The following NET1 variants were observed in gnomAD, a reference collection of about 807,000 sequenced individuals.
NET1 encodes neuroepithelial cell-transforming gene 1 protein.
A neutral mutation model predicts 61.1 loss-of-function variants in NET1; 42 were observed. The ratio of observed to expected loss-of-function variants is 0.69; its 90% CI spans 0.54 to 0.89. The LOEUF (loss-of-function observed/expected upper bound fraction) is 0.89, where lower values mean the gene tolerates loss of function less well. Among genes scored for constraint, NET1 ranks in the 40% least tolerant of loss-of-function variants. The pLI is 0.00. For synonymous variants in NET1, 254 were observed against 281.8 expected (o/e 0.90, Z 0.99); for missense variants, 654 against 747.3 (o/e 0.88, Z 1.46).
At position 5,456,408 on chromosome 10, in the gene NET1, C is replaced by A; in HGVS notation, c.1384+135C>A. 3.8e-6 allele frequency: 4 copies of A among 1,062,092 alleles called. No individual in the cohort carries two copies. Among genetic ancestry groups the A allele is most frequent in the Non-Finnish European group, 2.6e-6 (2 of 754,980 alleles). The allele number at this position is 1,062,092 out of a possible 1,614,324, so 65.8% of individuals were successfully genotyped here. A position where few individuals can be genotyped will look rare whatever the true frequency, so the allele number is the denominator to read the frequency against. Reference sequence around the variant, plus strand: ...TGTTACATCCATTGAGTTGTCCAGGCCTTCCCAGCTCGAACACCCGCAGGT... The same window carrying A: ...TGTTACATCCATTGAGTTGTCCAGGACTTCCCAGCTCGAACACCCGCAGGT... On this transcript the variant is annotated intron_variant, in intron 11 of 11. Transcript: ENST00000355029. This position sits in a 1 kb window ranked among gnomAD's most constrained non-coding sequence, Gnocchi z 7.0.
rs1439584163 is a variant in NET1, at chr10:5,426,664, T to G, written c.138T>G (p.Leu46=). The G allele has an allele frequency of 6.2e-7, 1 of 1,607,208 alleles. No individual in the cohort carries two copies. The highest frequency in any genetic ancestry group is 8.5e-7 in the Non-Finnish European group (1 of 1,176,844). The change falls in exon 2 of 12, where the codon CTT becomes CTG. Residue 46 remains leucine (L), a synonymous_variant. Transcript: ENST00000355029. The surrounding 1 kb of genome is among the most constrained non-coding windows in gnomAD (Gnocchi z 4.6). ...AATTTTCCATTAATAGATGTTCCCT[T>G]CGGAGAGGCAGCTCCTTCACATTCT... ...SGSELDGRCS[L]RRGSSFTFLT...
At chr10:5,413,745 A>G (rs1317589099) in intron 1 of NET1, among the ~76,000 whole-genome samples, 1 of 152,214 alleles carries the variant, frequency 6.6e-6, no homozygotes, top group East Asian at 1.9e-4. Context: ...TGGTTACAAT[A>G]TCGAACTTAG....
intron 3 of NET1, among the ~76,000 whole-genome samples, chr10:5,445,442 C>G (rs1239658699): frequency 6.6e-6 from 1 of 152,164 alleles, no homozygotes; most frequent in African/African-American, 2.4e-5. Context: ...ACACAATGGT[C>G]TCTTTAGCAG....
Position 5,446,954 on chromosome 10 carries a change from A to T in NET1, c.256-4876A>T. On this transcript the variant is annotated intron_variant, in intron 3 of 11. Coordinates refer to ENST00000355029, the MANE Select transcript of NET1 (RefSeq NM_001047160.3). This position sits in a 1 kb window ranked among gnomAD's most constrained non-coding sequence, Gnocchi z 5.0. ...CAAGGTATTAACAGTATAATTTTAAACTTTTGATCTTATTATTACAATGTA... is the reference window on the plus strand; with the variant it reads ...CAAGGTATTAACAGTATAATTTTAATCTTTTGATCTTATTATTACAATGTA... 1.1e-6 allele frequency: 1 copy of T among 917,198 alleles called. No homozygotes were observed. The highest frequency in any genetic ancestry group is 2.4e-5 in the South Asian group (1 of 41,432). The allele number at this position is 917,198 out of a possible 1,614,324, so 56.8% of individuals were successfully genotyped here. A position where few individuals can be genotyped will look rare whatever the true frequency, so the allele number is the denominator to read the frequency against.
Position 5,417,178 on chromosome 10 carries a change from G to A in NET1, c.128+4358G>A, listed in dbSNP as rs557649801. On this transcript the variant is annotated intron_variant, in intron 1 of 11. Transcript: ENST00000355029. This position sits in a 1 kb window ranked among gnomAD's most constrained non-coding sequence, Gnocchi z 5.5. ...CTGCCAGCTGGCCTGCCAGCGTGCT[G>A]GTGTACTCCCACGTCGATGTGTTCC... Among the ~76,000 whole-genome samples the A allele has an allele frequency of 2.6e-4, 38 of 147,442 alleles. No individual in the cohort carries two copies. In the South Asian group the frequency reaches 8.2e-3, roughly 32 times the overall value.
chr10:5,442,589 A>G (rs575525597), intron 3 of NET1, among the ~76,000 whole-genome samples: 38 of 152,210 alleles, frequency 2.5e-4, no homozygotes, highest in Non-Finnish European at 4.3e-4. Context: ...CCGTTTGTAG[A>G]AAGTTATACA....
At chr10:5,432,558 G>C (rs557094705) in intron 3 of NET1, among the ~76,000 whole-genome samples, 32 of 149,932 alleles carry the variant, frequency 2.1e-4, no homozygotes, top group African/African-American at 7.2e-4. Context: ...CAGCTCATTT[G>C]GTTTTTAAAA....
In NET1 at chr10:5,449,866, T is replaced by C. The variant is rs1249115529; in HGVS notation, c.256-1964T>C. 6.6e-6 allele frequency among the ~76,000 whole-genome samples: 1 copy of C among 152,230 alleles called. No homozygotes were observed. The highest frequency in any genetic ancestry group is 1.5e-5 in the Non-Finnish European group (1 of 68,034). On this transcript the variant is annotated intron_variant, in intron 3 of 11. Transcript: ENST00000355029. The surrounding 1 kb of genome is among the most constrained non-coding windows in gnomAD (Gnocchi z 4.4). ...ATATTTTCTGGGAAGTCAAATTTGT[T>C]ATGCATGAAACAAGGAAGAGGAGTT... is the stretch of plus-strand genomic sequence containing the variant.
chr10:5,412,863 G>A lies in NET1; in HGVS notation c.128+43G>A. On this transcript the variant is annotated intron_variant, in intron 1 of 11. Coordinates refer to ENST00000355029, the MANE Select transcript of NET1 (RefSeq NM_001047160.3). The surrounding 1 kb of genome is among the most constrained non-coding windows in gnomAD (Gnocchi z 6.5). ...GAGGGCCGAACGGGAGGTGAGTGTA[G>A]GGGAGCGGAGGGCCGAACGGGAGGT... The A allele has an allele frequency of 2.3e-6, 3 of 1,311,292 alleles. No individual in the cohort carries two copies. The highest frequency in any genetic ancestry group is 3.1e-5 in the African/African-American group (2 of 64,222). The allele number at this position is 1,311,292 out of a possible 1,614,324, so 81.2% of individuals were successfully genotyped here. A position where few individuals can be genotyped will look rare whatever the true frequency, so the allele number is the denominator to read the frequency against.
rs550533001 is a variant in NET1 at position 5,452,162 on chromosome 10, GT to G, written c.364-191del. Among the ~76,000 whole-genome samples, 280 of 152,182 alleles carry G rather than the reference GT, an allele frequency of 1.8e-3. 1 individual carries two copies. Among genetic ancestry groups the G allele is most frequent in the South Asian group, 0.015 (71 of 4,818 alleles). ...ATCTTATAATGCATAGTCTTGGCTA[GT>G]TTTTATTCCCAAAAATGTAATTTTA... On this transcript the variant is annotated intron_variant, in intron 4 of 11. Coordinates refer to ENST00000355029, the MANE Select transcript of NET1 (RefSeq NM_001047160.3). The surrounding 1 kb of genome is among the most constrained non-coding windows in gnomAD (Gnocchi z 4.0).
rs2119163404 is a variant in NET1, at chr10:5,417,179, G to A, written c.128+4359G>A. Among the ~76,000 whole-genome samples the A allele has an allele frequency of 6.6e-6, 1 of 152,064 alleles. No individual in the cohort carries two copies. The highest frequency in any genetic ancestry group is 2.4e-5 in the African/African-American group (1 of 41,472). On this transcript the variant is annotated intron_variant, in intron 1 of 11. Coordinates refer to ENST00000355029, the MANE Select transcript of NET1 (RefSeq NM_001047160.3). This position sits in a 1 kb window ranked among gnomAD's most constrained non-coding sequence, Gnocchi z 5.5. Reference sequence around the variant, plus strand: ...TGCCAGCTGGCCTGCCAGCGTGCTGGTGTACTCCCACGTCGATGTGTTCCT... The same window carrying A: ...TGCCAGCTGGCCTGCCAGCGTGCTGATGTACTCCCACGTCGATGTGTTCCT...
Position 5,456,231 on chromosome 10 carries a change from A to G in NET1, c.1342A>G (p.Met448Val). The G allele has an allele frequency of 1.2e-6, 2 of 1,613,856 alleles. No individual in the cohort carries two copies. Among genetic ancestry groups the G allele is most frequent in the Non-Finnish European group, 1.7e-6 (2 of 1,179,948 alleles). ...LEDLQDGDVR[M>V]GGSFRGAFSN... ...AGACCTGCAGGATGGAGATGTGAGA[A>G]TGGGAGGCTCCTTTCGAGGAGCTTT... is the stretch of plus-strand genomic sequence containing the variant. The change falls in exon 11 of 12, where the codon ATG becomes GTG. Residue 448 changes from methionine to valine, a missense_variant. Physicochemically the swap from Met to Val is conservative, Grantham distance 21. Coordinates refer to ENST00000355029, the MANE Select transcript of NET1 (RefSeq NM_001047160.3). This position sits in a 1 kb window ranked among gnomAD's most constrained non-coding sequence, Gnocchi z 7.0.
In NET1 at chr10:5,456,384, G is replaced by C. The variant is rs1247932396; in HGVS notation, c.1384+111G>C. Reference sequence around the variant, plus strand: ...GAAATGGCTCCATTGTCCTATACTTGTTACATCCATTGAGTTGTCCAGGCC... The same window carrying C: ...GAAATGGCTCCATTGTCCTATACTTCTTACATCCATTGAGTTGTCCAGGCC... On this transcript the variant is annotated intron_variant, in intron 11 of 11. Transcript: ENST00000355029. This position sits in a 1 kb window ranked among gnomAD's most constrained non-coding sequence, Gnocchi z 7.0. 8.6e-7 allele frequency: 1 copy of C among 1,166,298 alleles called. No homozygotes were observed. The highest frequency in any genetic ancestry group is 1.5e-5 in the African/African-American group (1 of 64,520). The allele number at this position is 1,166,298 out of a possible 1,614,324, so 72.2% of individuals were successfully genotyped here. A position where few individuals can be genotyped will look rare whatever the true frequency, so the allele number is the denominator to read the frequency against.
In NET1 at chr10:5,449,258, G is replaced by T. The variant is rs548986733; in HGVS notation, c.256-2572G>T. On this transcript the variant is annotated intron_variant, in intron 3 of 11. Transcript: ENST00000355029. The surrounding 1 kb of genome is among the most constrained non-coding windows in gnomAD (Gnocchi z 4.4). Reference sequence around the variant, plus strand: ...AATATATATACTAAAAGTTTGTTTTGTATTTGCCAAACATTCTTCATGTAT... The same window carrying T: ...AATATATATACTAAAAGTTTGTTTTTTATTTGCCAAACATTCTTCATGTAT... Among the ~76,000 whole-genome samples the T allele has an allele frequency of 1.6e-4, 24 of 151,988 alleles. No individual in the cohort carries two copies. The South Asian group carries it at 5.0e-3, about 32-fold the overall frequency.
At chr10:5,428,849 A>G (rs111602203) in intron 2 of NET1, among the ~76,000 whole-genome samples, 9,978 of 150,284 alleles carry the variant, frequency 0.066, 1,106 homozygotes, top group African/African-American at 0.23. Context: ...CAGCCTCTTG[A>G]GTAGCTGGGA....
rs59584726 is a variant in NET1 at position 5,424,884 on chromosome 10, C to G, written c.129-1771C>G. Among the ~76,000 whole-genome samples the G allele has an allele frequency of 0.021, 3,186 of 152,182 alleles. 95 individuals are homozygous for G. The highest frequency in any genetic ancestry group is 0.072 in the African/African-American group (3,006 of 41,510). ...TAATCTTGTTACTGCTGCCAGAGCC[C>G]CAGTCATCTTTTGTAAGCAATATTA... is the stretch of plus-strand genomic sequence containing the variant. On this transcript the variant is annotated intron_variant, in intron 1 of 11. Transcript: ENST00000355029. The surrounding 1 kb of genome is among the most constrained non-coding windows in gnomAD (Gnocchi z 6.1).
Position 5,451,830 on chromosome 10 carries a change from G to A in NET1, c.256G>A (p.Glu86Lys), listed in dbSNP as rs1200544182. ...VVSLSSLDLK[E>K]PSNKRVRPLA... ...AGTGTCATCTGGTTTGTTTTTATAG[G>A]AGCCAAGCAATAAAAGAGTTCGACC... The change falls in exon 4 of 12, where the codon GAG (glutamate) becomes AAG (lysine). Residue 86 changes from glutamate to lysine, a missense_variant and splice_region_variant. Transcript: ENST00000355029. The surrounding 1 kb of genome is among the most constrained non-coding windows in gnomAD (Gnocchi z 6.1). 1.9e-6 allele frequency: 3 copies of A among 1,612,560 alleles called. No homozygotes were observed. The Admixed American group carries it at 5.0e-5, about 27-fold the overall frequency.
rs1267979848 is a variant in NET1 at position 5,423,817 on chromosome 10, AT to A, written c.129-2837del. Among the ~76,000 whole-genome samples, 1 of 152,166 alleles carries A rather than the reference AT, an allele frequency of 6.6e-6. No homozygotes were observed. The highest frequency in any genetic ancestry group is 1.5e-5 in the Non-Finnish European group (1 of 68,008). On this transcript the variant is annotated intron_variant, in intron 1 of 11. Transcript: ENST00000355029. This position sits in a 1 kb window ranked among gnomAD's most constrained non-coding sequence, Gnocchi z 4.4. ...GTCTGACGCTTGTGAAAAAATGAGT[AT>A]ATGTCTTTCCAAGATTTGTGAAAGT...
chr10:5,425,803 T>A (rs1832250190), intron 1 of NET1, among the ~76,000 whole-genome samples: 1 of 152,248 alleles, frequency 6.6e-6, no homozygotes, highest in African/African-American at 2.4e-5. Context: ...TTTTGGTTGA[T>A]CTTCATTTAT....
Sources: allele counts gnomAD v4.1 joint callset (sites outside exome capture counted in the v4.1 genomes callset), GRCh38; gene constraint gnomAD v4.1.1; non-coding constraint Gnocchi (gnomAD v3.1); transcripts MANE v1.5; gene names NCBI Gene and HGNC (gene_info 2026-07-23, HGNC 2026-07-21).